The following SLC9A9 variants were observed in gnomAD, a reference collection of about 807,000 sequenced individuals.
The protein encoded by SLC9A9 is sodium/hydrogen exchanger 9.
In SLC9A9, 62 loss-of-function variants were observed where a neutral mutation model predicts 77.8. The ratio of observed to expected loss-of-function variants is 0.80; its 90% CI spans 0.65 to 0.98. The LOEUF (loss-of-function observed/expected upper bound fraction) is 0.98. Ranked by LOEUF, SLC9A9 falls within the 50% of genes least tolerant of loss-of-function variation. The pLI, the probability that SLC9A9 is intolerant of heterozygous loss-of-function variation, is 0.00. For missense variants in SLC9A9, 775 were observed against 774.9 expected (o/e 1.00, Z 0.00); for synonymous variants, 320 against 283.5 (o/e 1.13, Z -1.29).
At chr3:143,743,201 GGATA>G (rs1343752570) in intron 4 of SLC9A9, among the ~76,000 whole-genome samples, 3 of 144,592 alleles carry the variant, frequency 2.1e-5, no homozygotes, top group South Asian at 2.2e-4. Flanking sequence ...ATGGATAGAT[GGATA>G]GATGGATGGA....
At chr3:143,461,686 A>C (rs1525010) in intron 12 of SLC9A9, among the ~76,000 whole-genome samples, 43,953 of 152,078 alleles carry the variant, frequency 0.29, 6,612 homozygotes, top group East Asian at 0.49. Flanking sequence ...CTAACTCCAC[A>C]GTATATGTGT....
Position 143,831,999 on chromosome 3 carries a change from A to G in SLC9A9, c.378+20T>C, listed in dbSNP as rs1459012548. 1 of 1,600,436 alleles carries G rather than the reference A, an allele frequency of 6.2e-7. No individual in the cohort carries two copies. Among genetic ancestry groups the G allele is most frequent in the Non-Finnish European group, 8.5e-7 (1 of 1,170,068 alleles). On this transcript the variant is annotated intron_variant, in intron 2 of 15. Transcript: ENST00000316549. ...ATTTATACTGTAAAACAAATATATA[A>G]TACCAGACAGGATCCTTACCTTTTC...
chr3:143,785,730 G>A (rs1362882069), intron 4 of SLC9A9, among the ~76,000 whole-genome samples: 1 of 151,272 alleles, frequency 6.6e-6, no homozygotes, highest in Non-Finnish European at 1.5e-5. Flanking sequence ...CACATTTACT[G>A]TAACTTGGTT....
intron 14 of SLC9A9, among the ~76,000 whole-genome samples, chr3:143,276,162 C>T (rs917839610): frequency 1.3e-5 from 2 of 152,156 alleles, no homozygotes; most frequent in Admixed American, 1.3e-4. Flanking sequence ...CTCTCAGGGG[C>T]CTTGACGACT....
At chr3:143,622,742 C>G (rs1359398186) in intron 6 of SLC9A9, among the ~76,000 whole-genome samples, 1 of 152,166 alleles carries the variant, frequency 6.6e-6, no homozygotes, top group South Asian at 2.1e-4. Context: ...ATCACAATGA[C>G]AGGATCAAAT....
At chr3:143,687,002 C>G (rs1933293892) in intron 5 of SLC9A9, among the ~76,000 whole-genome samples, 1 of 152,204 alleles carries the variant, frequency 6.6e-6, no homozygotes, top group Admixed American at 6.5e-5. Context: ...TATACTGTCT[C>G]TTTGGTTGTT....
At chr3:143,642,504 A>C (rs2038640237) in intron 6 of SLC9A9, among the ~76,000 whole-genome samples, 1 of 152,250 alleles carries the variant, frequency 6.6e-6, no homozygotes. Context: ...AAAACACAAC[A>C]AAATAAACCT....
chr3:143,315,685 AT>A (rs1218762482), intron 14 of SLC9A9, among the ~76,000 whole-genome samples: 6 of 152,254 alleles, frequency 3.9e-5, no homozygotes, highest in African/African-American at 1.4e-4. Flanking sequence ...AAGAGATTGA[AT>A]GATACTCACT....
intron 14 of SLC9A9, among the ~76,000 whole-genome samples, chr3:143,362,634 G>C (rs1381933011): frequency 6.6e-6 from 1 of 151,930 alleles, no homozygotes; most frequent in East Asian, 1.9e-4. Flanking sequence ...TTTTTGCTTA[G>C]GCACTGAAAA....
intron 8 of SLC9A9, among the ~76,000 whole-genome samples, chr3:143,565,554 G>A (rs1410979273): frequency 6.6e-6 from 1 of 152,134 alleles, no homozygotes; most frequent in African/African-American, 2.4e-5. Flanking sequence ...GTGAGTTAAT[G>A]AGTTATTATG....
intron 1 of SLC9A9, among the ~76,000 whole-genome samples, chr3:143,845,933 C>T (rs1024140584): frequency 6.6e-6 from 1 of 152,044 alleles, no homozygotes; most frequent in Non-Finnish European, 1.5e-5. Flanking sequence ...ATCAGAGAAC[C>T]CAACTTAATT....
At chr3:143,495,514 G>A (rs569944528) in intron 9 of SLC9A9, 66 bp from the exon 10 acceptor site, 1 of 1,215,318 alleles carries the variant, frequency 8.2e-7, no homozygotes, top group Admixed American at 1.7e-5. Flanking sequence ...TTACTTTCTG[G>A]TAACTGTATT....
At chr3:143,702,393 G>GA (rs1933828183) in intron 4 of SLC9A9, among the ~76,000 whole-genome samples, 1 of 151,942 alleles carries the variant, frequency 6.6e-6, no homozygotes, top group Non-Finnish European at 1.5e-5. Flanking sequence ...TACACAAATT[G>GA]AAAAAACAAA....
At chr3:143,394,425 A>G (rs1415412874) in intron 12 of SLC9A9, among the ~76,000 whole-genome samples, 2 of 152,332 alleles carry the variant, frequency 1.3e-5, no homozygotes, top group South Asian at 2.1e-4. Context: ...AAAACTCTCA[A>G]TAAATTAGGT....
chr3:143,771,900 C>G (rs1027183246), intron 4 of SLC9A9, among the ~76,000 whole-genome samples: 1 of 152,132 alleles, frequency 6.6e-6, no homozygotes, highest in Non-Finnish European at 1.5e-5. Flanking sequence ...GAAGAAGTCC[C>G]CTTTCCAGGT....
At chr3:143,296,570 A>G (rs565709764) in intron 14 of SLC9A9, among the ~76,000 whole-genome samples, 2 of 152,342 alleles carry the variant, frequency 1.3e-5, no homozygotes, top group South Asian at 4.1e-4. Flanking sequence ...TCTTTTGGGT[A>G]TATACCCAGA....
chr3:143,728,195 T>A (rs981846856), intron 4 of SLC9A9, among the ~76,000 whole-genome samples: 1 of 151,900 alleles, frequency 6.6e-6, no homozygotes, highest in East Asian at 1.9e-4. Context: ...TTTTTGGGAG[T>A]TTACAGACCA....
intron 6 of SLC9A9, among the ~76,000 whole-genome samples, chr3:143,618,803 A>G (rs1041959777): frequency 3.3e-5 from 5 of 152,224 alleles, no homozygotes; most frequent in Non-Finnish European, 4.4e-5. Context: ...AAATAATATC[A>G]AAATAGCTAT....
At chr3:143,667,320 A>G (rs1269529394) in intron 5 of SLC9A9, among the ~76,000 whole-genome samples, 1 of 152,240 alleles carries the variant, frequency 6.6e-6, no homozygotes, top group African/African-American at 2.4e-5. Context: ...CACCTTATAC[A>G]AAAATTAATT....
Sources: gnomAD v4.1 joint callset for allele counts (sites outside exome capture counted in the v4.1 genomes callset) on GRCh38, gnomAD v4.1.1 for gene constraint, MANE v1.5 for transcripts, NCBI Gene and HGNC (gene_info 2026-07-23, HGNC 2026-07-21) for gene names.